The following RAB15 variants were observed in gnomAD, a reference collection of about 807,000 sequenced individuals.
RAB15 encodes RAB15, member RAS oncogene family, also known as ras-related protein Rab-15.
In RAB15, 13 loss-of-function variants were observed where a neutral mutation model predicts 31.8. The observed-to-expected ratio is 0.41, with a 90% CI of 0.27 to 0.65. RAB15 has a LOEUF of 0.65. Among genes scored for constraint, RAB15 ranks in the 30% least tolerant of loss-of-function variants. RAB15 has a pLI of 0.32. For missense variants in RAB15, 220 were observed against 277.3 expected (o/e 0.79, Z 1.47); for synonymous variants, 100 against 105.6 (o/e 0.95, Z 0.33).
At position 64,946,437 on chromosome 14, in the gene RAB15, C is replaced by G. The variant is rs1202750436; in HGVS notation, c.*1917G>C. 2.0e-5 allele frequency: 3 copies of G among 152,166 alleles called. No homozygotes were observed. Among genetic ancestry groups the G allele is most frequent in the Admixed American group, 2.0e-4 (3 of 15,286 alleles). The allele number at this position is 152,166 out of a possible 1,614,324, so 9.4% of individuals were successfully genotyped here. ...CATAGGTCTTGATACCCAAGGAGTC[C>G]CATCTTCAAGGAAGCAACTCCAGCC... On this transcript the variant is annotated 3_prime_UTR_variant, in exon 7 of 7. Coordinates refer to ENST00000533601, the MANE Select transcript of RAB15 (RefSeq NM_001308154.2).
At position 64,952,635 on chromosome 14, in the gene RAB15, C is replaced by G; in HGVS notation, c.125-64G>C. The G allele has an allele frequency of 2.5e-6, 3 of 1,189,086 alleles. No homozygotes were observed. Among genetic ancestry groups the G allele is most frequent in the Non-Finnish European group, 3.7e-6 (3 of 808,854 alleles). 73.7% of individuals were successfully genotyped at this position (1,189,086 alleles called of 1,614,324 possible). A position where few individuals can be genotyped will look rare whatever the true frequency, so the allele number is the denominator to read the frequency against. Reference sequence around the variant, plus strand: ...CCCACGAGAAATGAACAGGAAAGGGCCAGGCAATCACACTTGAAAGGTTTC... The same window carrying G: ...CCCACGAGAAATGAACAGGAAAGGGGCAGGCAATCACACTTGAAAGGTTTC... On this transcript the variant is annotated intron_variant, in intron 1 of 6. Transcript: ENST00000533601. The surrounding 1 kb of genome is among the most constrained non-coding windows in gnomAD (Gnocchi z 4.2).
intron 1 of RAB15, among the ~76,000 whole-genome samples, chr14:64,967,320 A>G (rs1442973454): frequency 5.3e-5 from 8 of 152,190 alleles, no homozygotes; most frequent in Non-Finnish European, 1.2e-4. Flanking sequence ...GGAGTGAGGT[A>G]GCTCACGCCT....
In RAB15 at chr14:64,950,988, G is replaced by T; in HGVS notation, c.324+86C>A. On this transcript the variant is annotated intron_variant, in intron 4 of 6. Coordinates refer to ENST00000533601, the MANE Select transcript of RAB15 (RefSeq NM_001308154.2). This position sits in a 1 kb window ranked among gnomAD's most constrained non-coding sequence, Gnocchi z 5.6. ...CTGTGGAAGGCAAAGCTTCCTGGAA[G>T]CATTTGCCTTCCCATCTGGCCCTCG... The T allele has an allele frequency of 6.2e-7, 1 of 1,614,084 alleles. No homozygotes were observed. The highest frequency in any genetic ancestry group is 8.5e-7 in the Non-Finnish European group (1 of 1,180,000).
At chr14:64,965,993 C>T (rs1160254706) in intron 1 of RAB15, among the ~76,000 whole-genome samples, 2 of 152,194 alleles carry the variant, frequency 1.3e-5, no homozygotes, top group Admixed American at 1.3e-4. Flanking sequence ...CAGAGCGACA[C>T]CTAGCAGGGG....
intron 1 of RAB15, among the ~76,000 whole-genome samples, chr14:64,969,193 A>G (rs1887296512): frequency 6.6e-6 from 1 of 152,206 alleles, no homozygotes; most frequent in African/African-American, 2.4e-5. Context: ...TGTAGGTATT[A>G]TTCATCTTGG....
At position 64,951,605 on chromosome 14, in the gene RAB15, G is replaced by C; in HGVS notation, c.244C>G (p.Gln82Glu). 6.2e-7 allele frequency: 1 copy of C among 1,614,112 alleles called. No individual in the cohort carries two copies. The highest frequency in any genetic ancestry group is 8.5e-7 in the Non-Finnish European group (1 of 1,179,938). ...TITKQYYRRA[Q>E]GIFLVYDISS... is the part of the protein sequence containing the mutation. ...AAACCCCCAATGTGGTGGCTTACCT[G>C]GGCCCGCCGATAGTACTGCTTTGTG... Residue 82 changes from glutamine to glutamate, a missense_variant and splice_region_variant, in exon 3 of 7, where the codon CAG (glutamine) becomes GAG (glutamate). Gln to Glu is a conservative substitution (Grantham distance 29). Transcript: ENST00000533601. The surrounding 1 kb of genome is among the most constrained non-coding windows in gnomAD (Gnocchi z 7.2).
chr14:64,948,590 G>GTCCATCTTATGGCTCCTCC lies in RAB15; in HGVS notation c.480+59_480+77dup. On this transcript the variant is annotated intron_variant, in intron 6 of 6. Transcript: ENST00000533601. This position sits in a 1 kb window ranked among gnomAD's most constrained non-coding sequence, Gnocchi z 7.0. ...ACCCTGCAGCGGCCTGAGGGATAAG[G>GTCCATCTTATGGCTCCTCC]TCCATCTTATGGCTCCTCCTCCCAC... The GTCCATCTTATGGCTCCTCC allele has an allele frequency of 1.1e-5, 17 of 1,608,502 alleles. No individual in the cohort carries two copies. The highest frequency in any genetic ancestry group is 1.4e-5 in the Non-Finnish European group (16 of 1,176,108).
In RAB15 at chr14:64,962,191, G is replaced by A. The variant is rs966484121; in HGVS notation, c.125-9620C>T. 6.6e-6 allele frequency among the ~76,000 whole-genome samples: 1 copy of A among 152,176 alleles called. No individual in the cohort carries two copies. The highest frequency in any genetic ancestry group is 6.5e-5 in the Admixed American group (1 of 15,270). On this transcript the variant is annotated intron_variant, in intron 1 of 6. Coordinates refer to ENST00000533601, the MANE Select transcript of RAB15 (RefSeq NM_001308154.2). This position sits in a 1 kb window ranked among gnomAD's most constrained non-coding sequence, Gnocchi z 4.2. ...GATTGTGCCACTGCACTCCAGCCTG[G>A]GGGATACAGTGAGACTCTGTCTCAA...
chr14:64,971,706 T>G lies in RAB15; in HGVS notation c.124+247A>C. 1 of 533,090 alleles carries G rather than the reference T, an allele frequency of 1.9e-6. No homozygotes were observed. The highest frequency in any genetic ancestry group is 3.4e-6 in the Non-Finnish European group (1 of 296,498). 33.0% of individuals were successfully genotyped at this position (533,090 alleles called of 1,614,324 possible). On this transcript the variant is annotated intron_variant, in intron 1 of 6. Coordinates refer to ENST00000533601, the MANE Select transcript of RAB15 (RefSeq NM_001308154.2). This position sits in a 1 kb window ranked among gnomAD's most constrained non-coding sequence, Gnocchi z 4.1. ...GCTCCCCTCACCCCCGGTTTCTCGG[T>G]TTGATGGGACGGAAGGCTTCCCGGC... is the stretch of plus-strand genomic sequence containing the variant.
rs371301178 is a variant in RAB15 at position 64,964,298 on chromosome 14, C to T, written c.124+7655G>A. Among the ~76,000 whole-genome samples the T allele has an allele frequency of 1.1e-3, 163 of 151,900 alleles. 3 individuals are homozygous for T. The South Asian group carries it at 0.021, about 19-fold the overall frequency. On this transcript the variant is annotated intron_variant, in intron 1 of 6. Transcript: ENST00000533601. ...CAGCACTTTGGGAGGCCGAGGTGGGCGGATCACGAGGTCAGGAGATGGAGA... is the reference window on the plus strand; with the variant it reads ...CAGCACTTTGGGAGGCCGAGGTGGGTGGATCACGAGGTCAGGAGATGGAGA...
intron 1 of RAB15, among the ~76,000 whole-genome samples, chr14:64,967,184 C>T (rs1337937913): frequency 6.6e-6 from 1 of 152,212 alleles, no homozygotes; most frequent in Non-Finnish European, 1.5e-5. Context: ...CCAACCAGAT[C>T]ACCCTCCTCC....
chr14:64,967,245 A>G (rs1247779836), intron 1 of RAB15, among the ~76,000 whole-genome samples: 4 of 152,198 alleles, frequency 2.6e-5, no homozygotes, highest in African/African-American at 9.6e-5. Context: ...CAAAAGGTCC[A>G]GGGACTAGGT....
At chr14:64,960,140 G>A (rs983138392) in intron 1 of RAB15, among the ~76,000 whole-genome samples, 2 of 152,206 alleles carry the variant, frequency 1.3e-5, no homozygotes, top group Non-Finnish European at 2.9e-5. Flanking sequence ...CTGGGACAGC[G>A]CTGCTGTTGG....
At chr14:64,961,489 C>T (rs1886855576) in intron 1 of RAB15, among the ~76,000 whole-genome samples, 1 of 152,126 alleles carries the variant, frequency 6.6e-6, no homozygotes, top group Admixed American at 6.6e-5. Context: ...CAGATGATGC[C>T]CATCAGCTCA....
chr14:64,950,990 AT>A lies in RAB15; in HGVS notation c.324+83del. ...GTGGAAGGCAAAGCTTCCTGGAAGC[AT>A]TTGCCTTCCCATCTGGCCCTCGCCT... On this transcript the variant is annotated intron_variant, in intron 4 of 6. Transcript: ENST00000533601. The surrounding 1 kb of genome is among the most constrained non-coding windows in gnomAD (Gnocchi z 5.6). The A allele has an allele frequency of 6.2e-7, 1 of 1,613,766 alleles. No individual in the cohort carries two copies. Among genetic ancestry groups the A allele is most frequent in the Admixed American group, 1.7e-5 (1 of 60,016 alleles).
rs1886708945 is a variant in RAB15 at position 64,958,802 on chromosome 14, A to G, written c.125-6231T>C. On this transcript the variant is annotated intron_variant, in intron 1 of 6. Coordinates refer to ENST00000533601, the MANE Select transcript of RAB15 (RefSeq NM_001308154.2). The surrounding 1 kb of genome is among the most constrained non-coding windows in gnomAD (Gnocchi z 4.4). ...CAGACAGATGGGCCCTCTCCCAACC[A>G]GGTGCCCAAAGCACGGAGAGCAGCT... Among the ~76,000 whole-genome samples the G allele has an allele frequency of 6.6e-6, 1 of 152,198 alleles. No homozygotes were observed. The highest frequency in any genetic ancestry group is 2.1e-4 in the South Asian group (1 of 4,828).
chr14:64,959,572 T>C (rs1886744581), intron 1 of RAB15, among the ~76,000 whole-genome samples: 1 of 151,914 alleles, frequency 6.6e-6, no homozygotes, highest in African/African-American at 2.4e-5. Context: ...AAATTCTAAA[T>C]AAATAAAAAG....
At chr14:64,956,913 G>C (rs566380846) in intron 1 of RAB15, among the ~76,000 whole-genome samples, 1 of 151,312 alleles carries the variant, frequency 6.6e-6, no homozygotes, top group Admixed American at 6.6e-5. Flanking sequence ...CTTCAGGCAA[G>C]TCTCAACTTC....
chr14:64,950,725 A>T lies in RAB15; in HGVS notation c.325-311T>A, dbSNP rs1886200918. On this transcript the variant is annotated intron_variant, in intron 4 of 6. Coordinates refer to ENST00000533601, the MANE Select transcript of RAB15 (RefSeq NM_001308154.2). This position sits in a 1 kb window ranked among gnomAD's most constrained non-coding sequence, Gnocchi z 5.6. The stretch of plus-strand genomic sequence containing the variant: ...TCTACAGGAACTGGGGACCCAGAGG[A>T]TTCAAATGGCTTCCCAAGGCTCCAC... 1.8e-5 allele frequency: 11 copies of T among 595,566 alleles called. No individual in the cohort carries two copies. Among genetic ancestry groups the T allele is most frequent in the Non-Finnish European group, 6.0e-6 (2 of 334,924 alleles). 36.9% of individuals were successfully genotyped at this position (595,566 alleles called of 1,614,324 possible).
Sources: allele counts gnomAD v4.1 joint callset (sites outside exome capture counted in the v4.1 genomes callset), GRCh38; gene constraint gnomAD v4.1.1; non-coding constraint Gnocchi (gnomAD v3.1); transcripts MANE v1.5; gene names NCBI Gene and HGNC (gene_info 2026-07-23, HGNC 2026-07-21).